The following SH3RF1 variants were observed in gnomAD, a reference collection of about 807,000 sequenced individuals.
SH3RF1 encodes SH3 domain containing ring finger 1.
A neutral mutation model predicts 74.0 loss-of-function variants in SH3RF1; 32 were observed. The observed-to-expected ratio is 0.43, with a 90% CI of 0.33 to 0.58. SH3RF1 has a LOEUF of 0.58. Among genes scored for constraint, SH3RF1 ranks in the 20% least tolerant of loss-of-function variants. SH3RF1 has a pLI of 0.05. For missense variants in SH3RF1, 954 were observed against 1,130.9 expected (o/e 0.84, Z 2.24); for synonymous variants, 396 against 439.6 (o/e 0.90, Z 1.24).
chr4:169,116,844 A>C (rs1356385167), intron 9 of SH3RF1, among the ~76,000 whole-genome samples: 3 of 152,134 alleles, frequency 2.0e-5, no homozygotes, highest in African/African-American at 7.2e-5. Flanking sequence ...CCTTGAGTCT[A>C]CTGAGTGCCT....
chr4:169,259,897 C>G (rs1579168128), intron 2 of SH3RF1, among the ~76,000 whole-genome samples: 1 of 152,168 alleles, frequency 6.6e-6, no homozygotes, highest in African/African-American at 2.4e-5. Context: ...ATTGTGGATC[C>G]TTAGGAAGAA....
chr4:169,250,005 A>G (rs1372009648), intron 2 of SH3RF1, among the ~76,000 whole-genome samples: 2 of 152,248 alleles, frequency 1.3e-5, no homozygotes, highest in African/African-American at 4.8e-5. Context: ...ACACTATATC[A>G]AATGAGGAAA....
intron 11 of SH3RF1, among the ~76,000 whole-genome samples, chr4:169,103,851 C>T (rs1733084289): frequency 6.6e-6 from 1 of 152,162 alleles, no homozygotes; most frequent in Non-Finnish European, 1.5e-5. Context: ...GAAATCTTCT[C>T]CAAAGACCCC....
chr4:169,223,161 A>C (rs1046144970), intron 2 of SH3RF1, among the ~76,000 whole-genome samples: 2 of 152,222 alleles, frequency 1.3e-5, no homozygotes, highest in African/African-American at 2.4e-5. Flanking sequence ...ACATCTATTC[A>C]TTCCATTGAC....
intron 2 of SH3RF1, among the ~76,000 whole-genome samples, chr4:169,198,407 G>A (rs559688875): frequency 6.6e-6 from 1 of 152,096 alleles, no homozygotes; most frequent in South Asian, 2.1e-4. Context: ...ATTTTCCATA[G>A]GACTAGTCAA....
chr4:169,258,646 A>C (rs1014375699), intron 2 of SH3RF1, among the ~76,000 whole-genome samples: 1 of 152,200 alleles, frequency 6.6e-6, no homozygotes, highest in African/African-American at 2.4e-5. Context: ...TGGGGAAAAA[A>C]CTGTTCAAAG....
intron 5 of SH3RF1, 88 bp from the exon 6 acceptor site, chr4:169,130,244 TA>T (rs34377181): frequency 0.071 from 51,767 of 731,226 alleles, 865 homozygotes; most frequent in African/African-American, 0.13. Context: ...CAAGTCACAT[TA>T]AAAAAAAAAA....
intron 2 of SH3RF1, among the ~76,000 whole-genome samples, chr4:169,170,578 G>A (rs1427583425): frequency 6.6e-6 from 1 of 152,088 alleles, no homozygotes; most frequent in Non-Finnish European, 1.5e-5. Context: ...ATGTTCACCA[G>A]GCTGTGAGCT....
chr4:169,183,207 G>GGGAGATTGCTTGAACCCAGGAGGC (rs1228584913), intron 2 of SH3RF1, among the ~76,000 whole-genome samples: 6 of 152,168 alleles, frequency 3.9e-5, no homozygotes, highest in Admixed American at 3.9e-4. Context: ...GGCTGAGGCT[G>GGGAGATTGCTTGAACCCAGGAGGC]GGAGATTGCT....
At chr4:169,119,541 C>T (rs945155400) in intron 8 of SH3RF1, among the ~76,000 whole-genome samples, 3 of 152,102 alleles carry the variant, frequency 2.0e-5, no homozygotes, top group Non-Finnish European at 4.4e-5. Flanking sequence ...TGTTGCATTT[C>T]TCTTATCCAT....
At chr4:169,144,105 T>C (rs1045103460) in intron 4 of SH3RF1, among the ~76,000 whole-genome samples, 3 of 152,166 alleles carry the variant, frequency 2.0e-5, no homozygotes, top group Non-Finnish European at 4.4e-5. Flanking sequence ...AATGGGAAGG[T>C]AACATCAATT....
At chr4:169,141,391 T>C (rs1733784146) in intron 4 of SH3RF1, among the ~76,000 whole-genome samples, 1 of 152,204 alleles carries the variant, frequency 6.6e-6, no homozygotes, top group African/African-American at 2.4e-5. Flanking sequence ...TGCCATTTAC[T>C]ATGTCTTGGC....
chr4:169,096,509 G>C lies in SH3RF1; in HGVS notation c.*10C>G, dbSNP rs979451650. 2.5e-6 allele frequency: 4 copies of C among 1,611,626 alleles called. No homozygotes were observed. In the African/African-American group the frequency reaches 5.3e-5, roughly 22 times the overall value. On this transcript the variant is annotated 3_prime_UTR_variant, in exon 12 of 12. Coordinates refer to ENST00000284637, the MANE Select transcript of SH3RF1 (RefSeq NM_020870.4). ...TGAAGTGATTTTAAGCTTCTTCAGT[G>C]TCAGTCTCCTCATATGTTTTCCACA...
At chr4:169,188,995 C>G (rs996783911) in intron 2 of SH3RF1, among the ~76,000 whole-genome samples, 3 of 152,028 alleles carry the variant, frequency 2.0e-5, no homozygotes, top group African/African-American at 7.2e-5. Context: ...CAAAAAACAA[C>G]AAGAAGAAAA....
chr4:169,256,873 G>T (rs1731201613), intron 2 of SH3RF1, among the ~76,000 whole-genome samples: 1 of 152,196 alleles, frequency 6.6e-6, no homozygotes, highest in Non-Finnish European at 1.5e-5. Flanking sequence ...AAAGCACTGG[G>T]ATTACAGATG....
intron 2 of SH3RF1, among the ~76,000 whole-genome samples, chr4:169,262,658 C>T (rs1029498121): frequency 6.6e-6 from 1 of 151,796 alleles, no homozygotes; most frequent in Non-Finnish European, 1.5e-5. Context: ...CAGAGTGAGA[C>T]TCTGTCTCAA....
At chr4:169,137,238 T>C (rs374725519) in intron 4 of SH3RF1, among the ~76,000 whole-genome samples, 1 of 152,358 alleles carries the variant, frequency 6.6e-6, no homozygotes. Flanking sequence ...GCTATCATCC[T>C]ATGTGCACGT....
chr4:169,170,280 T>G (rs1734304248), intron 2 of SH3RF1, among the ~76,000 whole-genome samples: 1 of 152,180 alleles, frequency 6.6e-6, no homozygotes, highest in Non-Finnish European at 1.5e-5. Context: ...TTTTTTCTGT[T>G]TCTAGGTGAT....
chr4:169,187,369 T>C (rs1415554720), intron 2 of SH3RF1, among the ~76,000 whole-genome samples: 5 of 152,110 alleles, frequency 3.3e-5, no homozygotes, highest in Non-Finnish European at 5.9e-5. Context: ...ATTTTTTAAC[T>C]TTTTGTGGAG....
Sources: gnomAD v4.1 joint callset for allele counts (sites outside exome capture counted in the v4.1 genomes callset) on GRCh38, gnomAD v4.1.1 for gene constraint, MANE v1.5 for transcripts, NCBI Gene and HGNC (gene_info 2026-07-23, HGNC 2026-07-21) for gene names.